RPS6KA3: variants seen among roughly 807,000 people sequenced by gnomAD.
RPS6KA3 encodes ribosomal protein S6 kinase A3.
A neutral mutation model predicts 67.2 loss-of-function variants in RPS6KA3; 4 were observed. The ratio of observed to expected loss-of-function variants is 0.06; its 90% confidence interval spans 0.03 to 0.14. The LOEUF (loss-of-function observed/expected upper bound fraction) is 0.14, where lower values mean the gene tolerates loss of function less well. RPS6KA3 is among the 10% of genes least tolerant of loss of function. RPS6KA3 has a pLI of 1.00. For missense variants in RPS6KA3, 204 were observed against 559.0 expected, an observed-to-expected ratio of 0.36 and a Z score of 6.40; for synonymous variants, 182 against 183.7, an observed-to-expected ratio of 0.99 and a Z score of 0.07.
In RPS6KA3 at chrX:20,203,888, T is replaced by C. The variant is rs753742268; in HGVS notation, c.325+134A>G. 23 of 538,518 alleles carry C rather than the reference T, an allele frequency of 4.3e-5. No individual in the cohort carries two copies. In the East Asian group the frequency reaches 7.7e-4, roughly 18 times the overall value. 44.4% of individuals were successfully genotyped at this position (538,518 alleles called of 1,213,427 possible). On this transcript the variant is annotated intron_variant, in intron 4 of 21. Transcript: ENST00000379565. ...CCTAGCAGGAAAAATTCACTAAAAG[T>C]CAGCCTAAATTTAAAGCTGGTAACA...
At chrX:20,177,790 C>G (rs1454239529) in intron 10 of RPS6KA3, among the ~76,000 whole-genome samples, 1 of 112,173 alleles carries the variant, frequency 8.9e-6, no homozygotes, top group Non-Finnish European at 1.9e-5. Context: ...GCTAAGAGAA[C>G]ATGTGTTTCA....
chrX:20,221,020 C>T (rs1163901001), intron 2 of RPS6KA3, among the ~76,000 whole-genome samples: 1 of 112,225 alleles, frequency 8.9e-6, no homozygotes, highest in East Asian at 2.8e-4. Context: ...CTTATAATCA[C>T]ATTACAACTC....
intron 1 of RPS6KA3, among the ~76,000 whole-genome samples, chrX:20,261,502 C>T (rs1221972167): frequency 1.8e-5 from 2 of 112,269 alleles, no homozygotes; most frequent in Non-Finnish European, 3.8e-5. Flanking sequence ...AAAGAGACAA[C>T]TTCCTCCTAT....
At chrX:20,188,864 C>T (rs1230325822) in intron 7 of RPS6KA3, among the ~76,000 whole-genome samples, 1 of 112,660 alleles carries the variant, frequency 8.9e-6, no homozygotes, top group Non-Finnish European at 1.9e-5. Context: ...CTAGTGCCTG[C>T]ATTAATAGAC....
At chrX:20,156,721 A>G (rs2067195351) in intron 20 of RPS6KA3, among the ~76,000 whole-genome samples, 1 of 110,576 alleles carries the variant, frequency 9.0e-6, no homozygotes, top group South Asian at 3.8e-4. Flanking sequence ...TTTTTAGTAG[A>G]GATGGGGTTT....
chrX:20,260,123 T>C (rs2070184885), intron 1 of RPS6KA3, among the ~76,000 whole-genome samples: 1 of 111,739 alleles, frequency 8.9e-6, no homozygotes, highest in Non-Finnish European at 1.9e-5. Flanking sequence ...CAGAACGGAT[T>C]CATCCTAAAA....
rs773980892 is a variant in RPS6KA3, at chrX:20,245,875, C to T, written c.70-11061G>A. The stretch of plus-strand genomic sequence containing the variant: ...TGGCTCACACCTGTAATCCTAGCAC[C>T]TTGGGAGGCCGAGGCAGGAGGATCA... On this transcript the variant is annotated intron_variant, in intron 1 of 21. Transcript: ENST00000379565. Among the ~76,000 whole-genome samples, 65 of 110,658 alleles carry T rather than the reference C, an allele frequency of 5.9e-4. 1 individual carries two copies. The highest frequency in any genetic ancestry group is 1.9e-3 in the African/African-American group (59 of 30,341).
rs755940591 is a variant in RPS6KA3, at chrX:20,194,143, AACAGGATGCATG to A, written c.486+34_486+45del. On this transcript the variant is annotated intron_variant, in intron 6 of 21. Transcript: ENST00000379565. Reference sequence around the variant, plus strand: ...TGAAACATAACAAAGCTTTAGTTCAAACAGGATGCATGTAAATAGACTAAAAATAGAGATTAA... The same window carrying A: ...TGAAACATAACAAAGCTTTAGTTCAATAAATAGACTAAAAATAGAGATTAA... The A allele has an allele frequency of 3.8e-6, 3 of 797,437 alleles. No individual in the cohort carries two copies. In the Admixed American group the frequency reaches 6.8e-5, roughly 18 times the overall value. The allele number at this position is 797,437 out of a possible 1,213,427, so 65.7% of individuals were successfully genotyped here.
intron 7 of RPS6KA3, among the ~76,000 whole-genome samples, chrX:20,189,115 ATT>A (rs1369715754): frequency 1.8e-5 from 2 of 109,779 alleles, no homozygotes; most frequent in Admixed American, 9.7e-5. Flanking sequence ...TGACTCAATC[ATT>A]GTTTCCTTAT....
intron 1 of RPS6KA3, among the ~76,000 whole-genome samples, chrX:20,258,157 C>G (rs1167365159): frequency 1.8e-5 from 2 of 111,762 alleles, no homozygotes; most frequent in Non-Finnish European, 3.8e-5. Flanking sequence ...TACTGTTCAA[C>G]ATGGTAGCCA....
rs868837686 is a variant in RPS6KA3 at position 20,266,753 on chromosome X, G to A, written c.-121C>T. On this transcript the variant is annotated 5_prime_UTR_variant, in exon 1 of 22. Transcript: ENST00000379565. ...CGGCGGCGGCGGCGGCGGCGGCAGC[G>A]GCAGCGGCAGCGGCAGCAGCAGCAG... The A allele has an allele frequency of 3.3e-6, 1 of 305,367 alleles. No individual in the cohort carries two copies. The highest frequency in any genetic ancestry group is 4.3e-6 in the Non-Finnish European group (1 of 232,690). The allele number at this position is 305,367 out of a possible 1,213,427, so 25.2% of individuals were successfully genotyped here.
chrX:20,193,384 C>T (rs193163540), intron 7 of RPS6KA3, 103 bp downstream of exon 7: 11 of 506,081 alleles, frequency 2.2e-5, no homozygotes, highest in East Asian at 7.4e-5. Flanking sequence ...AGCACAGGCA[C>T]GCTAGTGCAA....
In RPS6KA3 at chrX:20,162,947, A is replaced by G. The variant is rs773941926; in HGVS notation, c.1841+17T>C. 6 of 1,026,351 alleles carry G rather than the reference A, an allele frequency of 5.8e-6. No individual in the cohort carries two copies. Among genetic ancestry groups the G allele is most frequent in the Non-Finnish European group, 8.3e-6 (6 of 725,633 alleles). 84.6% of individuals were successfully genotyped at this position (1,026,351 alleles called of 1,213,427 possible). A position where few individuals can be genotyped will look rare whatever the true frequency, so the allele number is the denominator to read the frequency against. ...GAACAAATGCTTAGGTGCTTAGAACATATGGTATACACTCACCCGGTAAGC... is the reference window on the plus strand; with the variant it reads ...GAACAAATGCTTAGGTGCTTAGAACGTATGGTATACACTCACCCGGTAAGC... On this transcript the variant is annotated intron_variant, in intron 19 of 21. Coordinates refer to ENST00000379565, the MANE Select transcript of RPS6KA3 (RefSeq NM_004586.3).
In RPS6KA3 at chrX:20,154,874, G is replaced by C. The variant is rs1283470089; in HGVS notation, c.*524C>G. 8.4e-6 allele frequency: 1 copy of C among 119,198 alleles called. No individual in the cohort carries two copies. Among genetic ancestry groups the C allele is most frequent in the East Asian group, 2.5e-4 (1 of 4,052 alleles). 9.8% of individuals were successfully genotyped at this position (119,198 alleles called of 1,213,427 possible). On this transcript the variant is annotated 3_prime_UTR_variant, in exon 22 of 22. Coordinates refer to ENST00000379565, the MANE Select transcript of RPS6KA3 (RefSeq NM_004586.3). ...ATTGATTAATAATAATAGATTCCAA[G>C]TTAAACAAGGCATGTATACATTAAA...
intron 10 of RPS6KA3, among the ~76,000 whole-genome samples, chrX:20,183,566 T>C (rs1007676958): frequency 1.8e-5 from 2 of 112,027 alleles, no homozygotes; most frequent in Non-Finnish European, 3.8e-5. Context: ...GCAAATTAAG[T>C]GTCCACATAT....
chrX:20,257,799 G>A (rs986714786), intron 1 of RPS6KA3, among the ~76,000 whole-genome samples: 3 of 111,524 alleles, frequency 2.7e-5, no homozygotes, highest in African/African-American at 6.5e-5. Flanking sequence ...TAAGCTCGGT[G>A]CACAAGAGGA....
intron 1 of RPS6KA3, among the ~76,000 whole-genome samples, chrX:20,240,995 T>C (rs1443868282): frequency 9.0e-6 from 1 of 111,158 alleles, no homozygotes; most frequent in Non-Finnish European, 1.9e-5. Flanking sequence ...TATGTATTAA[T>C]TTTATAAAGA....
intron 4 of RPS6KA3, among the ~76,000 whole-genome samples, chrX:20,196,577 T>C (rs779533305): frequency 1.3e-4 from 15 of 111,883 alleles, no homozygotes; most frequent in African/African-American, 4.5e-4. Flanking sequence ...ATTTAAAATA[T>C]AGAAATAAGA....
chrX:20,227,335 T>C lies in RPS6KA3; in HGVS notation c.126+7423A>G, dbSNP rs192634936. ...TGCCAAATCCCATGTCTCTCTTACT[T>C]AGTTAATAACCCTCTAGTGTTGGCA... On this transcript the variant is annotated intron_variant, in intron 2 of 21. Transcript: ENST00000379565. 5.8e-4 allele frequency among the ~76,000 whole-genome samples: 65 copies of C among 111,969 alleles called. 2 individuals are homozygous for C. Among genetic ancestry groups the C allele is most frequent in the Admixed American group, 3.7e-3 (39 of 10,540 alleles).
Sources: gnomAD v4.1 joint callset for allele counts (sites outside exome capture counted in the v4.1 genomes callset) on GRCh38, gnomAD v4.1.1 for gene constraint, MANE v1.5 for transcripts, NCBI Gene and HGNC (gene_info 2026-07-23, HGNC 2026-07-21) for gene names.